The following ASTN2 variants were observed in gnomAD, a reference collection of about 807,000 sequenced individuals.
The protein encoded by ASTN2 is astrotactin 2.
A neutral mutation model predicts 139.8 loss-of-function variants in ASTN2; 54 were observed. The ratio of observed to expected loss-of-function variants is 0.39; its 90% CI spans 0.31 to 0.48. The LOEUF (loss-of-function observed/expected upper bound fraction) is 0.48, where lower values mean the gene tolerates loss of function less well. Among genes scored for constraint, ASTN2 ranks in the 20% least tolerant of loss-of-function variants. The probability of loss-of-function intolerance (pLI) is 0.95; values close to 1 mark genes in which losing one functional copy is unlikely to be tolerated. For synonymous variants in ASTN2, 756 were observed against 719.5 expected (o/e 1.05, Z -0.81); for missense variants, 1,565 against 1,725.1 (o/e 0.91, Z 1.64).
intron 2 of ASTN2, among the ~76,000 whole-genome samples, chr9:117,271,424 A>G (rs1834060579): frequency 6.6e-6 from 1 of 152,144 alleles, no homozygotes; most frequent in African/African-American, 2.4e-5. Context: ...GTGGGAACAA[A>G]GCCAAACCAT....
intron 1 of ASTN2, among the ~76,000 whole-genome samples, chr9:117,350,443 G>T (rs1192164593): frequency 6.6e-6 from 1 of 151,914 alleles, no homozygotes; most frequent in Non-Finnish European, 1.5e-5. Context: ...CCAGCTACTT[G>T]GGAGGCTGAG....
chr9:117,337,870 C>T (rs898252138), intron 1 of ASTN2, among the ~76,000 whole-genome samples: 2 of 152,096 alleles, frequency 1.3e-5, no homozygotes, highest in African/African-American at 4.8e-5. Flanking sequence ...CTCATGACCT[C>T]GGGCAAGCCA....
At chr9:116,680,667 G>A (rs866497188) in intron 16 of ASTN2, among the ~76,000 whole-genome samples, 13 of 152,022 alleles carry the variant, frequency 8.6e-5, no homozygotes, top group African/African-American at 2.7e-4. Flanking sequence ...ATCAAAAAGC[G>A]TATCCACCAT....
At chr9:117,241,845 C>T (rs1833216983) in intron 2 of ASTN2, among the ~76,000 whole-genome samples, 1 of 151,732 alleles carries the variant, frequency 6.6e-6, no homozygotes, top group Non-Finnish European at 1.5e-5. Context: ...ACATGTGATC[C>T]TTCTAAAGAA....
At position 116,854,037 on chromosome 9, in the gene ASTN2, T is replaced by G. The variant is rs372350937; in HGVS notation, c.2040+9546A>C. 2.6e-5 allele frequency among the ~76,000 whole-genome samples: 4 copies of G among 152,322 alleles called. No homozygotes were observed. The East Asian group carries it at 7.7e-4, about 29-fold the overall frequency. On this transcript the variant is annotated intron_variant, in intron 11 of 22. Coordinates refer to ENST00000313400, the MANE Select transcript of ASTN2 (RefSeq NM_001365068.1). ...TTTGTCCTGGTTAAGGGTTTTGTTATCAACCTGCTTTGGCCCAATTTGGCC... is the reference window on the plus strand; with the variant it reads ...TTTGTCCTGGTTAAGGGTTTTGTTAGCAACCTGCTTTGGCCCAATTTGGCC...
chr9:117,179,092 T>C (rs918141340), intron 3 of ASTN2, among the ~76,000 whole-genome samples: 1 of 152,178 alleles, frequency 6.6e-6, no homozygotes, highest in Non-Finnish European at 1.5e-5. Context: ...GCTCATTTCT[T>C]TTATTTATGT....
chr9:117,071,564 G>A (rs1422058054), intron 5 of ASTN2, among the ~76,000 whole-genome samples: 2 of 150,872 alleles, frequency 1.3e-5, no homozygotes, highest in Non-Finnish European at 3.0e-5. Context: ...CAGCTGCTTT[G>A]TTTACCTAAG....
At chr9:116,845,362 G>A (rs180824788) in intron 11 of ASTN2, among the ~76,000 whole-genome samples, 20 of 152,162 alleles carry the variant, frequency 1.3e-4, no homozygotes, top group African/African-American at 4.3e-4. Context: ...CTCGTGATCC[G>A]CCCGCCTCGG....
At chr9:116,692,348 C>T (rs759830190) in intron 16 of ASTN2, among the ~76,000 whole-genome samples, 2 of 152,142 alleles carry the variant, frequency 1.3e-5, no homozygotes, top group Non-Finnish European at 2.9e-5. Context: ...AGTGCCTATT[C>T]ATTTCTTCTA....
intron 17 of ASTN2, among the ~76,000 whole-genome samples, chr9:116,650,681 G>A (rs561068716): frequency 5.8e-4 from 88 of 152,322 alleles, no homozygotes; most frequent in African/African-American, 2.1e-3. Context: ...CCAAACCCAT[G>A]TCTTCTCCTA....
At chr9:117,309,018 G>A (rs1407225445) in intron 1 of ASTN2, among the ~76,000 whole-genome samples, 1 of 152,162 alleles carries the variant, frequency 6.6e-6, no homozygotes, top group African/African-American at 2.4e-5. Flanking sequence ...TATCCATCAA[G>A]CCTATTATGC....
intron 19 of ASTN2, among the ~76,000 whole-genome samples, chr9:116,500,556 A>G (rs1000811566): frequency 3.3e-5 from 5 of 152,218 alleles, no homozygotes; most frequent in African/African-American, 1.2e-4. Flanking sequence ...ATGTTAGGCA[A>G]TTCAATTCAC....
At chr9:117,090,883 TCTC>T (rs1828689204) in intron 5 of ASTN2, among the ~76,000 whole-genome samples, 1 of 152,176 alleles carries the variant, frequency 6.6e-6, no homozygotes, top group African/African-American at 2.4e-5. Context: ...CCTCTCTCCT[TCTC>T]CTCCATGCCC....
Position 117,145,468 on chromosome 9 carries a change from G to A in ASTN2, c.1016-3990C>T, listed in dbSNP as rs139929341. Among the ~76,000 whole-genome samples the A allele has an allele frequency of 4.5e-3, 680 of 152,280 alleles. 15 individuals carry two copies. Among genetic ancestry groups the A allele is most frequent in the Admixed American group, 0.01 (155 of 15,300 alleles). ...CCGTGGGATGCCCCAGAAAGATATG[G>A]GAGGAATTTGAAGGTATTTCTTTCC... On this transcript the variant is annotated intron_variant, in intron 3 of 22. Coordinates refer to ENST00000313400, the MANE Select transcript of ASTN2 (RefSeq NM_001365068.1).
At chr9:117,183,133 G>A (rs183499180) in intron 3 of ASTN2, among the ~76,000 whole-genome samples, 1 of 151,996 alleles carries the variant, frequency 6.6e-6, no homozygotes, top group Non-Finnish European at 1.5e-5. Flanking sequence ...TTCCTTCCTG[G>A]CAGCTTTGTG....
At chr9:116,575,202 A>G (rs1570196) in intron 19 of ASTN2, among the ~76,000 whole-genome samples, 98,536 of 151,718 alleles carry the variant, frequency 0.65, 32,098 homozygotes, top group South Asian at 0.74. Flanking sequence ...TTATTGGCTT[A>G]CCTCTTTTTT....
At chr9:116,955,670 C>A (rs1835685528) in intron 10 of ASTN2, among the ~76,000 whole-genome samples, 1 of 152,184 alleles carries the variant, frequency 6.6e-6, no homozygotes, top group Non-Finnish European at 1.5e-5. Flanking sequence ...AAGATTTGAA[C>A]CTCCTGCTGC....
At chr9:117,170,222 G>A (rs929905283) in intron 3 of ASTN2, among the ~76,000 whole-genome samples, 37 of 152,002 alleles carry the variant, frequency 2.4e-4, no homozygotes, top group Non-Finnish European at 4.0e-4. Flanking sequence ...TTGCTTGAGA[G>A]TCTTAATTCA....
intron 3 of ASTN2, among the ~76,000 whole-genome samples, chr9:117,182,245 A>T (rs984589937): frequency 8.7e-5 from 13 of 149,358 alleles, no homozygotes; most frequent in South Asian, 2.1e-4. Flanking sequence ...AAAAAAAAAA[A>T]ATAATAAGAT....
Sources: allele counts gnomAD v4.1 joint callset (sites outside exome capture counted in the v4.1 genomes callset), GRCh38; gene constraint gnomAD v4.1.1; transcripts MANE v1.5; gene names NCBI Gene and HGNC (gene_info 2026-07-23, HGNC 2026-07-21).